The following AGTRAP variants were observed in gnomAD, a reference collection of about 807,000 sequenced individuals.
AGTRAP encodes angiotensin II receptor associated protein.
Under a neutral mutation model 15.2 loss-of-function variants are expected in AGTRAP, and 7 were observed. That is an observed-to-expected ratio of 0.46 (90% CI 0.26 to 0.87). The LOEUF is 0.87. Among genes scored for constraint, AGTRAP ranks in the 40% least tolerant of loss-of-function variants. The pLI is 0.15. For missense variants in AGTRAP, 187 were observed against 213.4 expected (o/e 0.88, Z 0.77); for synonymous variants, 74 against 89.6 (o/e 0.83, Z 0.98).
chr1:11,737,378 T>C (rs1641925926), intron 1 of AGTRAP, among the ~76,000 whole-genome samples: 1 of 152,198 alleles, frequency 6.6e-6, no homozygotes, highest in African/African-American at 2.4e-5. Flanking sequence ...CCAGGCAATG[T>C]GGGGTTAACA....
chr1:11,748,781 T>G (rs1229698986), intron 4 of AGTRAP, among the ~76,000 whole-genome samples, 171 bp downstream of exon 4: 1 of 152,158 alleles, frequency 6.6e-6, no homozygotes, highest in Non-Finnish European at 1.5e-5. Context: ...GCTCCTAGTC[T>G]CTGCTGCAGG....
rs545636109 is a variant in AGTRAP at position 11,750,064 on chromosome 1, C to G, written c.365-13C>G. 6.2e-7 allele frequency: 1 copy of G among 1,605,000 alleles called. No individual in the cohort carries two copies. Among genetic ancestry groups the G allele is most frequent in the South Asian group, 1.1e-5 (1 of 90,832 alleles). ...CTTCATTTTTCTTTCCCACCATGTC[C>G]CCTGTCACCTAGGTTTCCTTGGGTC... On this transcript the variant is annotated splice_polypyrimidine_tract_variant and intron_variant, in intron 4 of 4. Coordinates refer to ENST00000314340, the MANE Select transcript of AGTRAP (RefSeq NM_020350.5).
chr1:11,741,433 C>T (rs944648085), intron 1 of AGTRAP, among the ~76,000 whole-genome samples: 5 of 152,350 alleles, frequency 3.3e-5, no homozygotes, highest in African/African-American at 4.8e-5. Flanking sequence ...CTCTGCACAC[C>T]TCTGACTCCC....
rs1372477234 is a variant in AGTRAP at position 11,745,620 on chromosome 1, T to C, written c.28-183T>C. On this transcript the variant is annotated intron_variant, in intron 1 of 4. Transcript: ENST00000314340. The surrounding 1 kb of genome is among the most constrained non-coding windows in gnomAD (Gnocchi z 4.2). ...GCGGCCCCTCCCTGGCCTGGCCTGCTTTCTTCCTCCTCCTTCACTCCTGGG... is the reference window on the plus strand; with the variant it reads ...GCGGCCCCTCCCTGGCCTGGCCTGCCTTCTTCCTCCTCCTTCACTCCTGGG... 2.0e-5 allele frequency among the ~76,000 whole-genome samples: 3 copies of C among 152,174 alleles called. No individual in the cohort carries two copies. The highest frequency in any genetic ancestry group is 6.5e-5 in the Admixed American group (1 of 15,278).
intron 1 of AGTRAP, among the ~76,000 whole-genome samples, chr1:11,740,423 G>A (rs1184265876): frequency 6.6e-6 from 1 of 152,218 alleles, no homozygotes; most frequent in Admixed American, 6.5e-5. Flanking sequence ...GGAGCAACTG[G>A]TGCTAACTTT....
chr1:11,740,440 A>G (rs911683726), intron 1 of AGTRAP, among the ~76,000 whole-genome samples: 1 of 152,178 alleles, frequency 6.6e-6, no homozygotes, highest in Non-Finnish European at 1.5e-5. Context: ...CTTTGTTCAT[A>G]TTTATCAAAC....
At chr1:11,746,096 T>C in intron 2 of AGTRAP, 1 of 1,605,330 alleles carries the variant, frequency 6.2e-7, no homozygotes, top group South Asian at 1.1e-5. Flanking sequence ...AGCTTGATTT[T>C]CACCTTTACC....
chr1:11,741,798 C>T (rs1434867981), intron 1 of AGTRAP, among the ~76,000 whole-genome samples: 10 of 152,180 alleles, frequency 6.6e-5, no homozygotes, highest in Admixed American at 2.0e-4. Flanking sequence ...ACATAGGAAG[C>T]GCTCAATAGT....
intron 1 of AGTRAP, among the ~76,000 whole-genome samples, chr1:11,736,546 C>T (rs1219730164): frequency 6.6e-6 from 1 of 152,202 alleles, no homozygotes; most frequent in Non-Finnish European, 1.5e-5. Flanking sequence ...CCTGCACGCC[C>T]AGAATTCCCC....
chr1:11,749,230 T>C (rs1206414968), intron 4 of AGTRAP, among the ~76,000 whole-genome samples: 1 of 152,230 alleles, frequency 6.6e-6, no homozygotes, highest in Non-Finnish European at 1.5e-5. Flanking sequence ...ATTTGCCTGC[T>C]CTCTGACACC....
intron 1 of AGTRAP, among the ~76,000 whole-genome samples, chr1:11,740,029 C>G (rs1308709431): frequency 3.3e-5 from 5 of 152,208 alleles, no homozygotes; most frequent in Non-Finnish European, 5.9e-5. Context: ...GGGCGGCCTC[C>G]CCTGGGCTGA....
At chr1:11,741,354 T>C (rs1307441316) in intron 1 of AGTRAP, among the ~76,000 whole-genome samples, 1 of 152,226 alleles carries the variant, frequency 6.6e-6, no homozygotes, top group African/African-American at 2.4e-5. Flanking sequence ...GAGGGTTCAC[T>C]GCACCTCCAT....
intron 4 of AGTRAP, among the ~76,000 whole-genome samples, chr1:11,749,115 G>T (rs964000476): frequency 2.6e-5 from 4 of 152,166 alleles, no homozygotes; most frequent in African/African-American, 9.7e-5. Context: ...CTGAACAGGG[G>T]GCACTTTCCC....
intron 1 of AGTRAP, among the ~76,000 whole-genome samples, chr1:11,743,087 C>T (rs978923878): frequency 1.2e-4 from 19 of 152,154 alleles, no homozygotes; most frequent in African/African-American, 4.6e-4. Flanking sequence ...CCCACCCCGA[C>T]CTCAGTTATC....
At chr1:11,740,119 G>C (rs974217904) in intron 1 of AGTRAP, among the ~76,000 whole-genome samples, 1 of 152,176 alleles carries the variant, frequency 6.6e-6, no homozygotes, top group African/African-American at 2.4e-5. Context: ...CACCCGTTTA[G>C]CTCAGGTTCC....
In AGTRAP at chr1:11,745,013, C is replaced by T. The variant is rs199562121; in HGVS notation, c.28-790C>T. Among the ~76,000 whole-genome samples the T allele has an allele frequency of 1.3e-5, 2 of 151,928 alleles. No individual in the cohort carries two copies. On this transcript the variant is annotated intron_variant, in intron 1 of 4. Transcript: ENST00000314340. This position sits in a 1 kb window ranked among gnomAD's most constrained non-coding sequence, Gnocchi z 4.2. Reference sequence around the variant, plus strand: ...GGGATTACAGGCACACACCACCATGCCCGGCTAATTTTTGTATTTTTAGTA... The same window carrying T: ...GGGATTACAGGCACACACCACCATGTCCGGCTAATTTTTGTATTTTTAGTA...
At chr1:11,737,473 C>T (rs1257613322) in intron 1 of AGTRAP, among the ~76,000 whole-genome samples, 1 of 152,186 alleles carries the variant, frequency 6.6e-6, no homozygotes, top group African/African-American at 2.4e-5. Context: ...GGACAGAGCT[C>T]TAATTTATGG....
chr1:11,747,478 A>G lies in AGTRAP; in HGVS notation c.101A>G (p.Asn34Ser). The change falls in exon 3 of 5, where the codon AAC becomes AGC. Residue 34 changes from asparagine to serine, a missense_variant. Coordinates refer to ENST00000314340, the MANE Select transcript of AGTRAP (RefSeq NM_020350.5). Reference sequence around the variant, plus strand: ...TTCTCAGGCTCCTATGCCTGGGCCAACTTCACCATCCTGGCCTTGGGCGTG... The same window carrying G: ...TTCTCAGGCTCCTATGCCTGGGCCAGCTTCACCATCCTGGCCTTGGGCGTG... Reference protein sequence around the residue: ...IVFSGSYAWANFTILALGVWA... With the variant: ...IVFSGSYAWASFTILALGVWA... 1.2e-6 allele frequency: 2 copies of G among 1,614,144 alleles called. No individual in the cohort carries two copies. The highest frequency in any genetic ancestry group is 1.7e-6 in the Non-Finnish European group (2 of 1,179,992).
intron 4 of AGTRAP, 60 bp downstream of exon 4, chr1:11,748,670 C>T (rs1408574797): frequency 7.1e-6 from 11 of 1,555,682 alleles, no homozygotes; most frequent in Non-Finnish European, 9.5e-6. Context: ...GCCTGGCCTC[C>T]AGCCTCTCCC....
Sources: gnomAD v4.1 joint callset for allele counts (sites outside exome capture counted in the v4.1 genomes callset) on GRCh38, gnomAD v4.1.1 for gene constraint, Gnocchi (gnomAD v3.1) non-coding constraint, MANE v1.5 for transcripts, NCBI Gene and HGNC (gene_info 2026-07-23, HGNC 2026-07-21) for gene names.